Variants in SLC13A1 observed in about 807,000 individuals in gnomAD.
SLC13A1 encodes the protein Na(+)/sulfate cotransporter.
Under a neutral mutation model 70.0 loss-of-function variants are expected in SLC13A1, and 65 were observed. The observed-to-expected ratio is 0.93, with a 90% CI of 0.76 to 1.14. The LOEUF is 1.14. SLC13A1 is among the 50% of genes most tolerant of loss of function. The probability of loss-of-function intolerance (pLI) is 0.00; values close to 1 mark genes in which losing one functional copy is unlikely to be tolerated. For synonymous variants in SLC13A1, 275 were observed against 250.5 expected (o/e 1.10, Z -0.92); for missense variants, 726 against 717.8 (o/e 1.01, Z -0.13).
At chr7:123,166,663 C>A (rs987323706) in intron 6 of SLC13A1, among the ~76,000 whole-genome samples, 2 of 151,610 alleles carry the variant, frequency 1.3e-5, no homozygotes, top group Admixed American at 6.6e-5. Context: ...TTTGTCCTTG[C>A]GATAGTTTGC....
chr7:123,126,238 A>C (rs1231121517), intron 10 of SLC13A1, among the ~76,000 whole-genome samples: 1 of 152,204 alleles, frequency 6.6e-6, no homozygotes, highest in Admixed American at 6.6e-5. Flanking sequence ...AAAGGAAAGC[A>C]ACCTACTTAA....
At chr7:123,139,397 G>A (rs1355038967) in intron 7 of SLC13A1, among the ~76,000 whole-genome samples, 1 of 151,754 alleles carries the variant, frequency 6.6e-6, no homozygotes, top group African/African-American at 2.4e-5. Flanking sequence ...TGGCTATTCT[G>A]GTTCTTTTGT....
chr7:123,171,449 A>G (rs538958300), intron 3 of SLC13A1, among the ~76,000 whole-genome samples: 8 of 152,120 alleles, frequency 5.3e-5, no homozygotes, highest in Non-Finnish European at 8.8e-5. Flanking sequence ...AGGAAAATCT[A>G]CTCTGAAGTC....
intron 13 of SLC13A1, among the ~76,000 whole-genome samples, chr7:123,118,173 A>G (rs1458500782): frequency 6.6e-6 from 1 of 152,082 alleles, no homozygotes; most frequent in Non-Finnish European, 1.5e-5. Context: ...CATTACACTA[A>G]TAACTTTACT....
chr7:123,164,831 C>A (rs569088416), intron 6 of SLC13A1, among the ~76,000 whole-genome samples: 3 of 151,778 alleles, frequency 2.0e-5, no homozygotes, highest in African/African-American at 7.2e-5. Context: ...AAAATCAGAG[C>A]TGAACTGAAG....
chr7:123,178,846 A>G (rs772734899), intron 2 of SLC13A1, among the ~76,000 whole-genome samples: 40 of 152,320 alleles, frequency 2.6e-4, no homozygotes, highest in Non-Finnish European at 5.1e-4. Context: ...GAAATGCCAT[A>G]GGGAAGACGA....
At chr7:123,147,118 C>T (rs1416686898) in intron 7 of SLC13A1, 41 bp downstream of exon 7, 16 of 1,584,768 alleles carry the variant, frequency 1.0e-5, no homozygotes, top group Non-Finnish European at 1.4e-5. Flanking sequence ...AATTTTTGTG[C>T]TGCCCTTATG....
chr7:123,137,113 G>C (rs542779941), intron 7 of SLC13A1, among the ~76,000 whole-genome samples: 1 of 152,166 alleles, frequency 6.6e-6, no homozygotes, highest in Non-Finnish European at 1.5e-5. Context: ...AGTTAGTAAC[G>C]TGACATGATC....
At position 123,134,452 on chromosome 7, in the gene SLC13A1, A is replaced by G. The variant is rs1793881045; in HGVS notation, c.890T>C (p.Leu297Pro). The change falls in exon 8 of 15, where the codon CTC (leucine) becomes CCC (proline). Residue 297 changes from leucine (L) to proline (P), a missense_variant. Transcript: ENST00000194130. ...CCACTGAAGCCAGATCCAGGATAAG[A>G]GTAGAATGATAAGGGCAGCTGGGAA... ...FSFPAALIIL[L>P]LSWIWLQWLF... 2.5e-6 allele frequency: 4 copies of G among 1,613,358 alleles called. No homozygotes were observed. The highest frequency in any genetic ancestry group is 3.4e-6 in the Non-Finnish European group (4 of 1,179,526).
At chr7:123,166,395 TTA>T (rs952061452) in intron 6 of SLC13A1, among the ~76,000 whole-genome samples, 31 of 86,096 alleles carry the variant, frequency 3.6e-4, no homozygotes, top group Admixed American at 1.0e-3. Flanking sequence ...GCCCATTTCT[TTA>T]TTTTTTTTTA....
At chr7:123,181,256 T>A in intron 1 of SLC13A1, 155 bp from the exon 2 acceptor site, 1 of 697,306 alleles carries the variant, frequency 1.4e-6, no homozygotes, top group Non-Finnish European at 2.2e-6. Context: ...AATACTCATT[T>A]CTTAGAAGTT....
chr7:123,122,811 T>C (rs1185363096), intron 12 of SLC13A1, among the ~76,000 whole-genome samples: 2 of 152,116 alleles, frequency 1.3e-5, no homozygotes, highest in Non-Finnish European at 2.9e-5. Flanking sequence ...AGGAGTCACT[T>C]TACATATTTT....
chr7:123,187,239 A>T (rs923128768), intron 1 of SLC13A1, among the ~76,000 whole-genome samples: 1 of 152,122 alleles, frequency 6.6e-6, no homozygotes, highest in African/African-American at 2.4e-5. Context: ...CTTTCCTATT[A>T]TAAGATTTCC....
At chr7:123,147,060 A>G in intron 7 of SLC13A1, 99 bp downstream of exon 7, 7 of 1,212,752 alleles carry the variant, frequency 5.8e-6, no homozygotes, top group Non-Finnish European at 8.0e-6. Flanking sequence ...GAGTTAACAT[A>G]ACATCTCTGT....
At chr7:123,170,200 T>A (rs1325134304) in intron 3 of SLC13A1, among the ~76,000 whole-genome samples, 1 of 152,166 alleles carries the variant, frequency 6.6e-6, no homozygotes, top group Non-Finnish European at 1.5e-5. Context: ...TCTGACACCC[T>A]TTTAAAACAG....
At position 123,177,505 on chromosome 7, in the gene SLC13A1, A is replaced by C. The variant is rs138004058; in HGVS notation, c.228+3468T>G. ...ATTTTATTCAATGTTAAAATCTTGC[A>C]ATGGACTACTTTGACCCTACCTGGT... On this transcript the variant is annotated intron_variant, in intron 2 of 14. Transcript: ENST00000194130. 8.4e-3 allele frequency among the ~76,000 whole-genome samples: 1,273 copies of C among 152,236 alleles called. 20 individuals carry two copies. Among genetic ancestry groups the C allele is most frequent in the African/African-American group, 0.028 (1,182 of 41,542 alleles).
chr7:123,132,556 G>C (rs1168195725), intron 8 of SLC13A1, among the ~76,000 whole-genome samples: 1 of 152,104 alleles, frequency 6.6e-6, no homozygotes, highest in African/African-American at 2.4e-5. Context: ...ATTTTTAGTA[G>C]AGAAGGGGTT....
In SLC13A1 at chr7:123,125,561, TACTCAACCAATTTCTCCTG is replaced by T. The variant is rs1563318937; in HGVS notation, c.1229_1240+7del. 6.4e-7 allele frequency: 1 copy of T among 1,573,846 alleles called. No individual in the cohort carries two copies. Among genetic ancestry groups the T allele is most frequent in the Non-Finnish European group, 8.7e-7 (1 of 1,151,750 alleles). On this transcript the variant is annotated splice_donor_variant and splice_donor_5th_base_variant and coding_sequence_variant and intron_variant, in exon 11 of 15. Transcript: ENST00000194130. LOFTEE classifies it high-confidence loss of function. The stretch of plus-strand genomic sequence containing the variant: ...TAAATTTATGCAGAATTATAAATGA[TACTCAACCAATTTCTCCTG>T]TAGGTGTAGTTTTAGTCAGTGTCTT...
chr7:123,137,265 A>G (rs187880462), intron 7 of SLC13A1, among the ~76,000 whole-genome samples: 35 of 152,286 alleles, frequency 2.3e-4, no homozygotes, highest in South Asian at 6.2e-4. Context: ...CCTGGTGTAC[A>G]TGCCTTGTAC....
Sources: gnomAD v4.1 joint callset for allele counts (sites outside exome capture counted in the v4.1 genomes callset) on GRCh38, gnomAD v4.1.1 for gene constraint, MANE v1.5 for transcripts, NCBI Gene and HGNC (gene_info 2026-07-23, HGNC 2026-07-21) for gene names.